CFH: variants seen among roughly 807,000 people sequenced by gnomAD.
CFH encodes H factor 1 (complement).
In CFH, 53 loss-of-function variants were observed where a neutral mutation model predicts 147.3. The ratio of observed to expected loss-of-function variants is 0.36; its 90% confidence interval spans 0.29 to 0.45. The LOEUF is 0.45. Ranked by LOEUF, CFH falls within the 20% of genes least tolerant of loss-of-function variation. CFH has a pLI of 1.00. For missense variants in CFH, 1,380 were observed against 1,498.0 expected (o/e 0.92, Z 1.30); for synonymous variants, 536 against 489.4 (o/e 1.10, Z -1.26).
chr1:196,658,519 C>T (rs1666793280), intron 1 of CFH, among the ~76,000 whole-genome samples: 1 of 149,824 alleles, frequency 6.7e-6, no homozygotes, highest in African/African-American at 2.5e-5. Context: ...TCACGCCATT[C>T]TCCTGCCTCA....
At chr1:196,671,769 A>C (rs966839626) in intron 1 of CFH, among the ~76,000 whole-genome samples, 2 of 149,794 alleles carry the variant, frequency 1.3e-5, no homozygotes, top group African/African-American at 4.9e-5. Flanking sequence ...TGATATATAT[A>C]TAATAAAAGC....
intron 6 of CFH, among the ~76,000 whole-genome samples, chr1:196,682,542 C>T (rs575478339): frequency 4.2e-4 from 63 of 151,346 alleles, no homozygotes; most frequent in African/African-American, 1.5e-3. Flanking sequence ...TTGTTTTTTG[C>T]ATCTCATAGC....
chr1:196,677,520 G>A lies in CFH; in HGVS notation c.472G>A (p.Val158Ile), dbSNP rs141852866. 120 of 1,613,178 alleles carry A rather than the reference G, an allele frequency of 7.4e-5. No homozygotes were observed. In the African/African-American group the frequency reaches 1.4e-3, roughly 19 times the overall value. ...PVTAPENGKI[V>I]SSAMEPDREY... Reference sequence around the variant, plus strand: ...GACAGCACCAGAGAATGGAAAAATTGTCAGTAGTGCAATGGAACCAGATCG... The same window carrying A: ...GACAGCACCAGAGAATGGAAAAATTATCAGTAGTGCAATGGAACCAGATCG... The change falls in exon 5 of 22, where the codon GTC (valine) becomes ATC (isoleucine). Residue 158 changes from valine to isoleucine, a missense_variant. Physicochemically the swap from Val to Ile is conservative, Grantham distance 29 (BLOSUM62 3). Coordinates refer to ENST00000367429, the MANE Select transcript of CFH (RefSeq NM_000186.4).
chr1:196,725,060 A>G, intron 11 of CFH, 61 bp from the exon 12 acceptor site: 2 of 1,433,422 alleles, frequency 1.4e-6, no homozygotes, highest in Non-Finnish European at 1.9e-6. Flanking sequence ...TGGCATATGT[A>G]AAATTAACTT....
intron 7 of CFH, among the ~76,000 whole-genome samples, chr1:196,686,771 C>T (rs1358118553): frequency 1.3e-5 from 2 of 152,070 alleles, no homozygotes; most frequent in Non-Finnish European, 2.9e-5. Flanking sequence ...TGAGACCCAA[C>T]TATATTTGGA....
chr1:196,703,489 C>T lies in CFH; in HGVS notation c.1337-10246C>T, dbSNP rs570235794. 5.5e-4 allele frequency among the ~76,000 whole-genome samples: 84 copies of T among 152,268 alleles called. 1 individual carries two copies. In the Middle Eastern group the frequency reaches 0.014, roughly 25 times the overall value. On this transcript the variant is annotated intron_variant, in intron 9 of 21. Coordinates refer to ENST00000367429, the MANE Select transcript of CFH (RefSeq NM_000186.4). ...ACCCAGACAACACCCTCCATATTTC[C>T]CACATGGGGCTTGAGATCCTGATGA...
chr1:196,652,462 T>C (rs1198432003), intron 1 of CFH, among the ~76,000 whole-genome samples: 3 of 151,952 alleles, frequency 2.0e-5, no homozygotes, highest in Non-Finnish European at 2.9e-5. Context: ...CTTGTAATTA[T>C]CATAAAATGT....
chr1:196,734,229 G>A (rs2149111880), intron 15 of CFH, among the ~76,000 whole-genome samples: 1 of 152,172 alleles, frequency 6.6e-6, no homozygotes, highest in African/African-American at 2.4e-5. Context: ...TGTGAATGTT[G>A]TCTTTGTTGC....
At chr1:196,654,190 T>A (rs1385397250) in intron 1 of CFH, among the ~76,000 whole-genome samples, 1 of 152,162 alleles carries the variant, frequency 6.6e-6, no homozygotes, top group Non-Finnish European at 1.5e-5. Context: ...GTTTGAATAC[T>A]ATCACAATCT....
rs952420754 is a variant in CFH at position 196,702,472 on chromosome 1, T to C, written c.1337-11263T>C. Among the ~76,000 whole-genome samples, 10 of 146,006 alleles carry C rather than the reference T, an allele frequency of 6.8e-5. No homozygotes were observed. In the South Asian group the frequency reaches 1.7e-3, roughly 25 times the overall value. ...CTTCCAACCTACTTAATTAGAAAAA[T>C]AATATGCCTATTTATTGAGAAGATC... On this transcript the variant is annotated intron_variant, in intron 9 of 21. Transcript: ENST00000367429.
At position 196,728,500 on chromosome 1, in the gene CFH, G is replaced by T. The variant is rs1407331122; in HGVS notation, c.2391G>T (p.Trp797Cys). The T allele has an allele frequency of 6.2e-7, 1 of 1,612,578 alleles. No individual in the cohort carries two copies. The highest frequency in any genetic ancestry group is 1.1e-5 in the South Asian group (1 of 91,062). ...ACACAGTCTGCATAAATGGAAGATG[G>T]GATCCAGAAGTGAACTGCTCAAGTA... is the stretch of plus-strand genomic sequence containing the variant. ...WIHTVCINGRWDPEVNCSMAQ... is the reference protein window; with the variant it reads ...WIHTVCINGRCDPEVNCSMAQ... The change falls in exon 15 of 22, where the codon TGG becomes TGT. Residue 797 changes from tryptophan to cysteine, a missense_variant. Transcript: ENST00000367429.
intron 6 of CFH, among the ~76,000 whole-genome samples, chr1:196,682,097 T>C (rs937355368): frequency 2.6e-5 from 4 of 151,774 alleles, no homozygotes; most frequent in Admixed American, 1.3e-4. Context: ...AGGTGAATTG[T>C]CAAAACTTTG....
At chr1:196,695,112 T>C (rs1573035009) in intron 9 of CFH, among the ~76,000 whole-genome samples, 1 of 152,266 alleles carries the variant, frequency 6.6e-6, no homozygotes, top group Non-Finnish European at 1.5e-5. Flanking sequence ...ACTGCCTAGG[T>C]TTTTTTCTAT....
At chr1:196,662,383 A>T (rs185786247) in intron 1 of CFH, among the ~76,000 whole-genome samples, 1 of 152,148 alleles carries the variant, frequency 6.6e-6, no homozygotes, top group Admixed American at 6.5e-5. Context: ...ATACACATAC[A>T]TGTTTGTATT....
At chr1:196,739,889 A>G (rs1652750406) in intron 17 of CFH, among the ~76,000 whole-genome samples, 1 of 152,196 alleles carries the variant, frequency 6.6e-6, no homozygotes, top group South Asian at 2.1e-4. Flanking sequence ...TAATTTATAA[A>G]GGAAAGAGGT....
At chr1:196,724,245 T>G (rs1263923347) in intron 11 of CFH, among the ~76,000 whole-genome samples, 1 of 151,738 alleles carries the variant, frequency 6.6e-6, no homozygotes, top group Non-Finnish European at 1.5e-5. Flanking sequence ...TCCAAGCAGG[T>G]GACAGGGAAT....
intron 15 of CFH, among the ~76,000 whole-genome samples, chr1:196,733,003 T>G (rs954319247): frequency 1.3e-5 from 2 of 152,044 alleles, no homozygotes; most frequent in African/African-American, 2.4e-5. Context: ...ATGTAGGGCC[T>G]TTCAGGAATG....
At chr1:196,684,500 AT>A (rs1182403982) in intron 6 of CFH, among the ~76,000 whole-genome samples, 1 of 151,890 alleles carries the variant, frequency 6.6e-6, no homozygotes, top group Non-Finnish European at 1.5e-5. Flanking sequence ...CAGAAACATC[AT>A]TTTTTTTCAT....
chr1:196,705,615 A>G (rs780390886), intron 9 of CFH, among the ~76,000 whole-genome samples: 2 of 152,202 alleles, frequency 1.3e-5, no homozygotes, highest in Non-Finnish European at 2.9e-5. Context: ...GTTTAGGAGT[A>G]GTAACCCAAG....
Sources: gnomAD v4.1 joint callset for allele counts (sites outside exome capture counted in the v4.1 genomes callset) on GRCh38, gnomAD v4.1.1 for gene constraint, MANE v1.5 for transcripts, NCBI Gene and HGNC (gene_info 2026-07-23, HGNC 2026-07-21) for gene names.